Variants in PSD3 observed in about 807,000 individuals in gnomAD.
The protein encoded by PSD3 is PH and SEC7 domain-containing protein 3.
In PSD3, 49 loss-of-function variants were observed where a neutral mutation model predicts 105.5. The ratio of observed to expected loss-of-function variants is 0.46; its 90% CI spans 0.37 to 0.59. The LOEUF is 0.59. Ranked by LOEUF, PSD3 falls within the 20% of genes least tolerant of loss-of-function variation. The probability of loss-of-function intolerance (pLI) is 0.00; values close to 1 mark genes in which losing one functional copy is unlikely to be tolerated. For missense variants in PSD3, 1,561 were observed against 1,263.8 expected (o/e 1.24, Z -3.57); for synonymous variants, 557 against 457.8 (o/e 1.22, Z -2.77).
chr8:18,527,808 T>C lies in PSD3; in HGVS notation c.*7935A>G, dbSNP rs1390435101. 6.6e-6 allele frequency: 1 copy of C among 152,474 alleles called. No individual in the cohort carries two copies. The highest frequency in any genetic ancestry group is 2.4e-5 in the African/African-American group (1 of 41,448). The allele number at this position is 152,474 out of a possible 1,614,324, so 9.4% of individuals were successfully genotyped here. On this transcript the variant is annotated 3_prime_UTR_variant, in exon 16 of 16. Transcript: ENST00000327040. ...TGAGGAACAGGTTTCCAGTACGTGT[T>C]ATAGTACCGCCAGCTTACCCAAAAC...
At chr8:18,864,151 G>C (rs974849570) in intron 4 of PSD3, among the ~76,000 whole-genome samples, 6 of 152,170 alleles carry the variant, frequency 3.9e-5, no homozygotes, top group South Asian at 2.1e-4. Flanking sequence ...GAAGATATCT[G>C]GTCTTGTTCT....
intron 8 of PSD3, among the ~76,000 whole-genome samples, chr8:18,765,887 G>A (rs1478923384): frequency 6.6e-6 from 1 of 151,690 alleles, no homozygotes; most frequent in Non-Finnish European, 1.5e-5. Context: ...AGAATCGCTT[G>A]AACCCGGGAG....
chr8:18,950,055 G>C (rs1272748386), intron 1 of PSD3, among the ~76,000 whole-genome samples: 3 of 152,114 alleles, frequency 2.0e-5, no homozygotes, highest in Non-Finnish European at 2.9e-5. Flanking sequence ...GAGGTTCTGA[G>C]GGCAGTCAAT....
intron 2 of PSD3, among the ~76,000 whole-genome samples, chr8:18,933,260 C>T (rs1174865476): frequency 6.6e-6 from 1 of 152,090 alleles, no homozygotes; most frequent in Non-Finnish European, 1.5e-5. Context: ...GCTGCTGATA[C>T]AGGGAAAACT....
chr8:18,752,492 A>T (rs1021013640), intron 9 of PSD3, among the ~76,000 whole-genome samples: 722 of 17,508 alleles, frequency 0.041, 14 homozygotes, highest in East Asian at 0.19. Flanking sequence ...TTATATATAT[A>T]ATATATATAA....
At chr8:19,024,149 A>G (rs1827460130) in intron 1 of PSD3, among the ~76,000 whole-genome samples, 1 of 152,234 alleles carries the variant, frequency 6.6e-6, no homozygotes, top group African/African-American at 2.4e-5. Flanking sequence ...TATTCCAATA[A>G]TAAAATGTTT....
chr8:19,002,502 G>C (rs1466566615), intron 1 of PSD3, among the ~76,000 whole-genome samples: 1 of 151,808 alleles, frequency 6.6e-6, no homozygotes, highest in East Asian at 1.9e-4. Context: ...TGATTGTGAT[G>C]GTCATTTGGC....
intron 1 of PSD3, among the ~76,000 whole-genome samples, chr8:18,963,864 G>A (rs1231797375): frequency 6.6e-6 from 1 of 152,072 alleles, no homozygotes; most frequent in Non-Finnish European, 1.5e-5. Context: ...CAGATCAGAT[G>A]GGTCATTTAC....
At chr8:18,666,958 G>A (rs550984314) in intron 9 of PSD3, among the ~76,000 whole-genome samples, 20 of 152,248 alleles carry the variant, frequency 1.3e-4, no homozygotes, top group East Asian at 7.7e-4. Context: ...AGACGTGTCC[G>A]CAGTTTGTTC....
At chr8:18,949,244 A>AAATATATATATATAT (rs1345423514) in intron 1 of PSD3, among the ~76,000 whole-genome samples, 1 of 14,404 alleles carries the variant, frequency 6.9e-5, no homozygotes, top group Non-Finnish European at 1.8e-4. Flanking sequence ...AAAAAAAAAA[A>AAATATATATATATAT]ATATATATAT....
At position 18,872,423 on chromosome 8, in the gene PSD3, G is replaced by A. The variant is rs187490678; in HGVS notation, c.441C>T (p.Ser147=). ...ALKATEARII[S]GTLQATKVLD... is the part of the protein sequence containing the mutation. ...GTACCTTTGTAGCCTGTAATGTTCC[G>A]GAAATGATTCTGGCTTCTGTGGCTT... The change falls in exon 3 of 16, where the codon TCC becomes TCT. Residue 147 remains serine (S), a synonymous_variant. Coordinates refer to ENST00000327040, the MANE Select transcript of PSD3 (RefSeq NM_015310.4). 4,564 of 1,614,120 alleles carry A rather than the reference G, an allele frequency of 2.8e-3. 160 individuals are homozygous for A. In the Admixed American group the frequency reaches 0.065, roughly 23 times the overall value.
intron 3 of PSD3, among the ~76,000 whole-genome samples, chr8:18,869,754 A>G (rs1333728551): frequency 6.6e-6 from 1 of 152,132 alleles, no homozygotes; most frequent in Non-Finnish European, 1.5e-5. Flanking sequence ...CATCCAAATT[A>G]TTCATTCTTG....
At chr8:18,870,076 T>C (rs570641092) in intron 3 of PSD3, among the ~76,000 whole-genome samples, 4 of 152,260 alleles carry the variant, frequency 2.6e-5, no homozygotes, top group African/African-American at 9.6e-5. Context: ...GAGGGAAGTC[T>C]GGAGAGCTGA....
chr8:18,583,108 G>T (rs1200922236), intron 12 of PSD3, among the ~76,000 whole-genome samples: 1 of 152,100 alleles, frequency 6.6e-6, no homozygotes, highest in Non-Finnish European at 1.5e-5. Context: ...TTACAGGCGT[G>T]AGCCACCGCA....
At chr8:18,797,960 G>C (rs1228576847) in intron 8 of PSD3, among the ~76,000 whole-genome samples, 1 of 152,094 alleles carries the variant, frequency 6.6e-6, no homozygotes, top group Non-Finnish European at 1.5e-5. Context: ...TGGCCAGAAA[G>C]GCTAAGGAAA....
At chr8:18,856,370 T>C (rs1175526617) in intron 4 of PSD3, among the ~76,000 whole-genome samples, 1 of 152,098 alleles carries the variant, frequency 6.6e-6, no homozygotes, top group African/African-American at 2.4e-5. Context: ...AAAAACTGAG[T>C]GCCCAGTATG....
chr8:18,954,708 C>G (rs1007047362), intron 1 of PSD3, among the ~76,000 whole-genome samples: 1 of 152,100 alleles, frequency 6.6e-6, no homozygotes, highest in African/African-American at 2.4e-5. Context: ...TTGGGTATAT[C>G]TGAGAATTCC....
intron 9 of PSD3, among the ~76,000 whole-genome samples, chr8:18,737,489 G>C (rs1228452599): frequency 6.6e-6 from 1 of 152,046 alleles, no homozygotes; most frequent in Non-Finnish European, 1.5e-5. Flanking sequence ...TTTTTGTAGA[G>C]ATGGAGTGTT....
chr8:18,916,629 T>TA (rs200709397), intron 2 of PSD3, among the ~76,000 whole-genome samples: 7,548 of 151,904 alleles, frequency 0.05, 209 homozygotes, highest in Admixed American at 0.081. Context: ...AAATTTCAGT[T>TA]AGATGGAATG....
Sources: gnomAD v4.1 joint callset for allele counts (sites outside exome capture counted in the v4.1 genomes callset) on GRCh38, gnomAD v4.1.1 for gene constraint, MANE v1.5 for transcripts, NCBI Gene and HGNC (gene_info 2026-07-23, HGNC 2026-07-21) for gene names.